Variants in SAMMSON observed in about 807,000 individuals in gnomAD.
The protein encoded by SAMMSON is long intergenic non-protein coding RNA 1212.
At chr3:70,407,602 T>C (rs931207387) in intron 2 of SAMMSON, among the ~76,000 whole-genome samples, 1 of 152,254 alleles carries the variant, frequency 6.6e-6, no homozygotes, top group Non-Finnish European at 1.5e-5. Flanking sequence ...CAGGTTATGC[T>C]GATGGAAGAG....
At chr3:70,011,046 A>G (rs764228394) in intron 1 of SAMMSON, among the ~76,000 whole-genome samples, 20 of 152,006 alleles carry the variant, frequency 1.3e-4, no homozygotes, top group Admixed American at 2.0e-4. Flanking sequence ...GAGCCAAACT[A>G]TATCAGCCGT....
chr3:70,150,145 C>CA (rs1214404333), intron 4 of SAMMSON, among the ~76,000 whole-genome samples: 2 of 151,918 alleles, frequency 1.3e-5, no homozygotes, highest in Non-Finnish European at 2.9e-5. Context: ...TTTTTCGAAC[C>CA]AAAAGTATGT....
chr3:70,426,512 TA>T (rs1247453098), intron 2 of SAMMSON, among the ~76,000 whole-genome samples: 19 of 152,326 alleles, frequency 1.2e-4, no homozygotes, highest in Non-Finnish European at 2.5e-4. Context: ...ACTTTTACAC[TA>T]AACATGAAAA....
intron 2 of SAMMSON, among the ~76,000 whole-genome samples, chr3:70,419,199 G>T (rs9826982): frequency 0.64 from 96,766 of 150,804 alleles, 31,212 homozygotes; most frequent in South Asian, 0.7. Flanking sequence ...TAATTATTGC[G>T]TTTTTTTTTC....
At chr3:70,009,747 A>G (rs1392742321) in intron 1 of SAMMSON, among the ~76,000 whole-genome samples, 1 of 150,334 alleles carries the variant, frequency 6.7e-6, no homozygotes, top group Non-Finnish European at 1.5e-5. Flanking sequence ...TCAATTTTAG[A>G]TCTTTCCTGC....
intron 6 of SAMMSON, among the ~76,000 whole-genome samples, chr3:70,251,477 G>A (rs1032002467): frequency 6.6e-6 from 1 of 151,978 alleles, no homozygotes; most frequent in Non-Finnish European, 1.5e-5. Context: ...TCAATGTATT[G>A]GTCTACACTT....
At position 70,057,534 on chromosome 3, in the gene SAMMSON, A is replaced by G. The variant is rs545228735; in HGVS notation, n.418-13942A>G. On this transcript the variant is annotated intron_variant and non_coding_transcript_variant, in intron 3 of 9. Transcript: ENST00000642114. ...ATCTTTTGAAAATAACAGAACATGA[A>G]CAGAAAATTATTTCCCTTGGAAAAA... is the stretch of plus-strand genomic sequence containing the variant. Among the ~76,000 whole-genome samples, 8 of 152,102 alleles carry G rather than the reference A, an allele frequency of 5.3e-5. No individual in the cohort carries two copies. In the East Asian group the frequency reaches 1.6e-3, roughly 30 times the overall value.
At chr3:70,290,792 C>T (rs1160075641) in intron 6 of SAMMSON, among the ~76,000 whole-genome samples, 1 of 152,094 alleles carries the variant, frequency 6.6e-6, no homozygotes, top group African/African-American at 2.4e-5. Context: ...GTCGGAAAAG[C>T]GCAGTATTCG....
intron 4 of SAMMSON, among the ~76,000 whole-genome samples, chr3:70,073,167 C>T (rs1251138012): frequency 6.6e-6 from 1 of 152,034 alleles, no homozygotes; most frequent in East Asian, 1.9e-4. Context: ...TTAGGAGGCC[C>T]ATACTAATGG....
chr3:70,123,017 T>C (rs1485399416), intron 4 of SAMMSON, among the ~76,000 whole-genome samples: 1 of 152,154 alleles, frequency 6.6e-6, no homozygotes, highest in Non-Finnish European at 1.5e-5. Flanking sequence ...TTACCTGAAA[T>C]ACTTAAAAAT....
chr3:70,358,963 G>A (rs1702851024), intron 9 of SAMMSON, among the ~76,000 whole-genome samples: 4 of 152,058 alleles, frequency 2.6e-5, no homozygotes, highest in African/African-American at 9.7e-5. Flanking sequence ...GCACACAGTG[G>A]CTCTTATTCA....
chr3:70,095,224 G>A (rs2067319103), intron 4 of SAMMSON, among the ~76,000 whole-genome samples: 1 of 152,126 alleles, frequency 6.6e-6, no homozygotes, highest in African/African-American at 2.4e-5. Flanking sequence ...AAAAACCACA[G>A]GAGGACATAT....
intron 9 of SAMMSON, among the ~76,000 whole-genome samples, chr3:70,380,076 A>G (rs1421210866): frequency 2.0e-5 from 3 of 152,118 alleles, no homozygotes; most frequent in African/African-American, 7.2e-5. Context: ...ATGAAAATAA[A>G]TACATTTATA....
At chr3:70,303,924 C>G (rs893319320) in intron 7 of SAMMSON, among the ~76,000 whole-genome samples, 1 of 152,152 alleles carries the variant, frequency 6.6e-6, no homozygotes, top group Non-Finnish European at 1.5e-5. Context: ...CTCAAGTGAT[C>G]CATCCTCCTC....
chr3:70,222,565 T>C (rs919484913), intron 4 of SAMMSON, among the ~76,000 whole-genome samples: 2 of 152,118 alleles, frequency 1.3e-5, no homozygotes, highest in South Asian at 4.1e-4. Flanking sequence ...CCAAATAAAT[T>C]TGAAGAGACT....
chr3:70,369,450 TAAGACA>T (rs1468918214), intron 9 of SAMMSON, among the ~76,000 whole-genome samples: 1 of 151,716 alleles, frequency 6.6e-6, no homozygotes, highest in Non-Finnish European at 1.5e-5. Flanking sequence ...AAATTTTCTG[TAAGACA>T]ATTATGTCAT....
intron 3 of SAMMSON, among the ~76,000 whole-genome samples, chr3:70,038,622 T>C (rs2067095136): frequency 1.3e-5 from 2 of 152,146 alleles, no homozygotes; most frequent in Non-Finnish European, 2.9e-5. Flanking sequence ...AGAATGAAGG[T>C]TGAGGTAACT....
chr3:70,219,911 T>A, intron 4 of SAMMSON, among the ~76,000 whole-genome samples: 1 of 152,154 alleles, frequency 6.6e-6, no homozygotes, highest in East Asian at 1.9e-4. Context: ...ATAAGCGTTG[T>A]TCAAAGATGG....
At chr3:70,107,129 G>C (rs564513205) in intron 4 of SAMMSON, among the ~76,000 whole-genome samples, 3 of 152,228 alleles carry the variant, frequency 2.0e-5, no homozygotes, top group African/African-American at 7.2e-5. Context: ...AGGGGGACCG[G>C]GTAAAATGGA....
Sources: gnomAD v4.1 joint callset for allele counts (sites outside exome capture counted in the v4.1 genomes callset) on GRCh38, gnomAD v4.1.1 for gene constraint, MANE v1.5 for transcripts, NCBI Gene and HGNC (gene_info 2026-07-23, HGNC 2026-07-21) for gene names.